The following TNKS variants were observed in gnomAD, a reference collection of about 807,000 sequenced individuals.
The protein encoded by TNKS is poly [ADP-ribose] polymerase tankyrase-1.
Under a neutral mutation model 135.8 loss-of-function variants are expected in TNKS, and 72 were observed. The observed-to-expected ratio is 0.53, with a 90% CI of 0.44 to 0.64. The LOEUF (loss-of-function observed/expected upper bound fraction) is 0.64, where lower values mean the gene tolerates loss of function less well. Ranked by LOEUF, TNKS falls within the 30% of genes least tolerant of loss-of-function variation. TNKS has a pLI of 0.00. For synonymous variants in TNKS, 849 were observed against 649.3 expected (o/e 1.31, Z -4.68); for missense variants, 1,769 against 1,674.0 (o/e 1.06, Z -0.99).
At chr8:9,625,202 G>A (rs1800011234) in intron 3 of TNKS, among the ~76,000 whole-genome samples, 1 of 152,052 alleles carries the variant, frequency 6.6e-6, no homozygotes, top group African/African-American at 2.4e-5. Context: ...TGTCAAATTT[G>A]TGCATAGAGT....
chr8:9,731,321 G>A lies in TNKS; in HGVS notation c.2147+286G>A, dbSNP rs569242768. 7.6e-4 allele frequency among the ~76,000 whole-genome samples: 115 copies of A among 152,006 alleles called. 2 individuals are homozygous for A. The highest frequency in any genetic ancestry group is 2.2e-3 in the African/African-American group (91 of 41,456). ...ATTAAAAATACAAAATTAGCCAGGC[G>A]TGGTGGCACATGCCTGTAATCCCAG... On this transcript the variant is annotated intron_variant, in intron 14 of 26. Transcript: ENST00000310430.
At chr8:9,614,446 A>G (rs1200183585) in intron 2 of TNKS, among the ~76,000 whole-genome samples, 2 of 152,212 alleles carry the variant, frequency 1.3e-5, no homozygotes. Context: ...GCTGTGTCCT[A>G]GTTCTGGATA....
chr8:9,634,283 A>T (rs1800418919), intron 3 of TNKS, among the ~76,000 whole-genome samples: 1 of 152,070 alleles, frequency 6.6e-6, no homozygotes, highest in Non-Finnish European at 1.5e-5. Context: ...AAATAAAATT[A>T]AATTGAAGAT....
chr8:9,757,253 G>A (rs541662520), intron 20 of TNKS, among the ~76,000 whole-genome samples: 12 of 152,260 alleles, frequency 7.9e-5, no homozygotes, highest in Non-Finnish European at 1.6e-4. Context: ...GAGATTACAG[G>A]CATGAGCCAC....
chr8:9,639,724 T>C (rs1005194339), intron 3 of TNKS, among the ~76,000 whole-genome samples: 1 of 152,184 alleles, frequency 6.6e-6, no homozygotes, highest in Non-Finnish European at 1.5e-5. Flanking sequence ...GTTCTTGTTA[T>C]CTTAGGGGAT....
chr8:9,700,206 A>G (rs1442019568), intron 5 of TNKS, among the ~76,000 whole-genome samples: 1 of 152,124 alleles, frequency 6.6e-6, no homozygotes, highest in Non-Finnish European at 1.5e-5. Context: ...TGCTTTCTCT[A>G]GTGACTTGAC....
chr8:9,561,216 A>T (rs1358213285), intron 1 of TNKS, among the ~76,000 whole-genome samples: 1 of 152,218 alleles, frequency 6.6e-6, no homozygotes, highest in Non-Finnish European at 1.5e-5. Flanking sequence ...TAAGTTCAGT[A>T]TTTGTGTAAA....
At chr8:9,575,944 TA>T (rs999922601) in intron 1 of TNKS, among the ~76,000 whole-genome samples, 1 of 152,136 alleles carries the variant, frequency 6.6e-6, no homozygotes, top group African/African-American at 2.4e-5. Flanking sequence ...TGCCAGCATT[TA>T]AAAAAATAAT....
At chr8:9,629,080 T>G (rs947685900) in intron 3 of TNKS, among the ~76,000 whole-genome samples, 5 of 152,232 alleles carry the variant, frequency 3.3e-5, no homozygotes, top group African/African-American at 1.2e-4. Context: ...CATTCTGATT[T>G]ATACTAGGTC....
chr8:9,772,791 G>T (rs1241201599), intron 26 of TNKS, among the ~76,000 whole-genome samples: 1 of 141,928 alleles, frequency 7.0e-6, no homozygotes, highest in East Asian at 2.0e-4. Flanking sequence ...GTTTTGGGGA[G>T]AATGTGTGTG....
At chr8:9,766,516 T>A (rs1269603317) in intron 25 of TNKS, 91 bp downstream of exon 25, 1 of 1,208,982 alleles carries the variant, frequency 8.3e-7, no homozygotes, top group African/African-American at 1.6e-5. Context: ...GATGAAGTCT[T>A]GCTCTTGTCA....
At chr8:9,596,301 C>A (rs1283429758) in intron 2 of TNKS, among the ~76,000 whole-genome samples, 1 of 152,028 alleles carries the variant, frequency 6.6e-6, no homozygotes, top group African/African-American at 2.4e-5. Flanking sequence ...AGTATGGCTT[C>A]CCTTTGTACA....
intron 5 of TNKS, among the ~76,000 whole-genome samples, chr8:9,702,577 C>T (rs1563177762): frequency 6.6e-6 from 1 of 152,180 alleles, no homozygotes; most frequent in African/African-American, 2.4e-5. Flanking sequence ...AAGTATTCTT[C>T]TAAAATGAGA....
intron 2 of TNKS, among the ~76,000 whole-genome samples, chr8:9,614,753 C>T (rs1315856629): frequency 6.6e-6 from 1 of 152,144 alleles, no homozygotes; most frequent in Non-Finnish European, 1.5e-5. Context: ...CAACAGTCTC[C>T]TCCTCTCCTG....
chr8:9,733,583 A>T (rs1805549298), intron 15 of TNKS, 139 bp downstream of exon 15: 1 of 702,682 alleles, frequency 1.4e-6, no homozygotes. Context: ...TTCCCAGAAG[A>T]CCGTTTATGT....
intron 3 of TNKS, among the ~76,000 whole-genome samples, chr8:9,634,251 T>G (rs1197821047): frequency 3.3e-5 from 5 of 151,966 alleles, no homozygotes; most frequent in Admixed American, 3.3e-4. Flanking sequence ...TCTGGAGGCA[T>G]GTTAATGTGC....
intron 17 of TNKS, among the ~76,000 whole-genome samples, chr8:9,740,762 A>G (rs1042005968): frequency 6.6e-6 from 1 of 151,602 alleles, no homozygotes; most frequent in African/African-American, 2.4e-5. Context: ...CTTCTACCAA[A>G]GACTTAGCAT....
chr8:9,625,150 G>T (rs1800009786), intron 3 of TNKS, among the ~76,000 whole-genome samples: 1 of 151,444 alleles, frequency 6.6e-6, no homozygotes. Flanking sequence ...GTGAGTCTTA[G>T]TTATTTATGT....
intron 2 of TNKS, among the ~76,000 whole-genome samples, chr8:9,610,322 G>T (rs4568626): frequency 0.29 from 43,086 of 149,866 alleles, 6,410 homozygotes; most frequent in East Asian, 0.38. Context: ...GTATTATTAC[G>T]GTATAATATA....
Sources: allele counts gnomAD v4.1 joint callset (sites outside exome capture counted in the v4.1 genomes callset), GRCh38; gene constraint gnomAD v4.1.1; transcripts MANE v1.5; gene names NCBI Gene and HGNC (gene_info 2026-07-23, HGNC 2026-07-21).